The following SSH2 variants were observed in gnomAD, a reference collection of about 807,000 sequenced individuals.
The protein encoded by SSH2 is protein phosphatase Slingshot homolog 2.
Under a neutral mutation model 135.2 loss-of-function variants are expected in SSH2, and 37 were observed. The ratio of observed to expected loss-of-function variants is 0.27; its 90% CI spans 0.21 to 0.36. The LOEUF (loss-of-function observed/expected upper bound fraction) is 0.36, where lower values mean the gene tolerates loss of function less well. SSH2 is among the 10% of genes least tolerant of loss of function. SSH2 has a pLI of 1.00. For missense variants in SSH2, 1,408 were observed against 1,765.3 expected, an observed-to-expected ratio of 0.80 and a Z score of 3.63; for synonymous variants, 628 against 646.2, an observed-to-expected ratio of 0.97 and a Z score of 0.43.
intron 3 of SSH2, among the ~76,000 whole-genome samples, chr17:29,743,585 G>C (rs1598919049): frequency 6.6e-6 from 1 of 152,216 alleles, no homozygotes; most frequent in Non-Finnish European, 1.5e-5. Context: ...CTGACTATGG[G>C]AGAGCCACAG....
chr17:29,766,748 T>A lies in SSH2; in HGVS notation c.188+27146A>T, dbSNP rs188662719. ...GTATTTTTATGTTTTCTCTAAGGGC[T>A]CGATGTAGAAAAATAAACAGTAAGT... is the stretch of plus-strand genomic sequence containing the variant. On this transcript the variant is annotated intron_variant, in intron 3 of 15. Transcript: ENST00000540801. 9.2e-5 allele frequency among the ~76,000 whole-genome samples: 14 copies of A among 152,274 alleles called. No individual in the cohort carries two copies. In the East Asian group the frequency reaches 2.7e-3, roughly 29 times the overall value.
intron 3 of SSH2, among the ~76,000 whole-genome samples, chr17:29,739,575 C>T (rs1257399689): frequency 6.6e-6 from 1 of 152,162 alleles, no homozygotes; most frequent in Non-Finnish European, 1.5e-5. Context: ...TATCTGAATT[C>T]TGAAGTTAGC....
chr17:29,907,664 A>G (rs1373726629), intron 1 of SSH2, among the ~76,000 whole-genome samples: 1 of 152,240 alleles, frequency 6.6e-6, no homozygotes, highest in Non-Finnish European at 1.5e-5. Context: ...AATCTTCCAA[A>G]TAAAGAAAGA....
chr17:29,674,547 G>T (rs1304836971), intron 8 of SSH2, among the ~76,000 whole-genome samples: 1 of 152,114 alleles, frequency 6.6e-6, no homozygotes, highest in Admixed American at 6.6e-5. Flanking sequence ...TCCTGTGAAG[G>T]AAACACCTGG....
chr17:29,874,235 G>T (rs2065988385), intron 1 of SSH2, among the ~76,000 whole-genome samples: 1 of 122,702 alleles, frequency 8.1e-6, no homozygotes, highest in African/African-American at 3.1e-5. Context: ...GGAGGTTGCA[G>T]TAAGCCAATT....
intron 3 of SSH2, among the ~76,000 whole-genome samples, chr17:29,793,204 C>T (rs995439310): frequency 6.6e-6 from 1 of 152,186 alleles, no homozygotes; most frequent in African/African-American, 2.4e-5. Flanking sequence ...TCCTAGATTT[C>T]TCTCACAATT....
intron 1 of SSH2, among the ~76,000 whole-genome samples, chr17:29,862,559 C>T (rs554327198): frequency 1.3e-5 from 2 of 152,228 alleles, no homozygotes; most frequent in South Asian, 2.1e-4. Context: ...CTGGAAGAGC[C>T]GTTACATGAA....
At chr17:29,677,860 T>A in intron 6 of SSH2, 119 bp from the exon 7 acceptor site, 1 of 739,174 alleles carries the variant, frequency 1.4e-6, no homozygotes, top group South Asian at 1.7e-5. Flanking sequence ...GGCATAAGTG[T>A]TACAATGAAG....
chr17:29,877,986 G>A (rs1363408591), intron 1 of SSH2, among the ~76,000 whole-genome samples: 1 of 152,076 alleles, frequency 6.6e-6, no homozygotes, highest in Non-Finnish European at 1.5e-5. Context: ...TTGGGAGGCT[G>A]AGGTGGGAGG....
chr17:29,684,028 A>G (rs2038100403), intron 6 of SSH2, among the ~76,000 whole-genome samples: 1 of 152,234 alleles, frequency 6.6e-6, no homozygotes, highest in Non-Finnish European at 1.5e-5. Flanking sequence ...GACTATCTAA[A>G]GATGAGATGA....
intron 3 of SSH2, among the ~76,000 whole-genome samples, chr17:29,709,540 G>T (rs1354248249): frequency 6.6e-6 from 1 of 152,118 alleles, no homozygotes; most frequent in Non-Finnish European, 1.5e-5. Context: ...AGCCAGGTGT[G>T]GTGGCACACG....
At position 29,630,827 on chromosome 17, in the gene SSH2, G is replaced by A. The variant is rs1275958729; in HGVS notation, c.*14C>T. 6.6e-7 allele frequency: 1 copy of A among 1,522,384 alleles called. No individual in the cohort carries two copies. Among genetic ancestry groups the A allele is most frequent in the Non-Finnish European group, 8.8e-7 (1 of 1,133,282 alleles). The allele number at this position is 1,522,384 out of a possible 1,614,324, so 94.3% of individuals were successfully genotyped here. The stretch of plus-strand genomic sequence containing the variant: ...AAACATTTCTTCTAGAAAGTCACAT[G>A]TGTAGGCTCAGAATCACATGGTATT... On this transcript the variant is annotated 3_prime_UTR_variant, in exon 16 of 16. Transcript: ENST00000540801.
intron 1 of SSH2, among the ~76,000 whole-genome samples, chr17:29,909,040 G>C (rs2066714755): frequency 6.6e-6 from 1 of 151,902 alleles, no homozygotes; most frequent in South Asian, 2.1e-4. Context: ...TCGTGCCACT[G>C]CACTCCAGCC....
At chr17:29,835,123 C>T (rs2042921351) in intron 2 of SSH2, among the ~76,000 whole-genome samples, 1 of 152,112 alleles carries the variant, frequency 6.6e-6, no homozygotes, top group Non-Finnish European at 1.5e-5. Context: ...CCTTTCCAAA[C>T]AGAAATTCCC....
intron 3 of SSH2, among the ~76,000 whole-genome samples, chr17:29,711,677 CTGCAAGGGGTTT>C (rs1313051462): frequency 6.6e-6 from 1 of 152,188 alleles, no homozygotes; most frequent in Non-Finnish European, 1.5e-5. Context: ...AACTCTGGAA[CTGCAAGGGGTTT>C]TGTAGGAAGC....
At chr17:29,700,651 T>C (rs2038937232) in intron 4 of SSH2, among the ~76,000 whole-genome samples, 1 of 152,200 alleles carries the variant, frequency 6.6e-6, no homozygotes, top group Non-Finnish European at 1.5e-5. Context: ...TAATGACTCA[T>C]TATCACAGCA....
intron 3 of SSH2, among the ~76,000 whole-genome samples, chr17:29,785,171 CA>C (rs1242799545): frequency 6.6e-6 from 1 of 151,190 alleles, no homozygotes; most frequent in African/African-American, 2.4e-5. Flanking sequence ...TCAAAGTAAT[CA>C]AAAAAAGTAT....
intron 2 of SSH2, among the ~76,000 whole-genome samples, chr17:29,828,318 T>C (rs1382306298): frequency 1.3e-5 from 2 of 152,158 alleles, no homozygotes; most frequent in Admixed American, 6.5e-5. Flanking sequence ...ACAACAAATT[T>C]AAATACAAAG....
chr17:29,673,825 C>CT (rs2037595799), intron 8 of SSH2: 3 of 313,942 alleles, frequency 9.6e-6, no homozygotes, highest in Non-Finnish European at 1.9e-5. Flanking sequence ...TCATCAACAT[C>CT]TTTCCATGTC....
Sources: allele counts gnomAD v4.1 joint callset (sites outside exome capture counted in the v4.1 genomes callset), GRCh38; gene constraint gnomAD v4.1.1; transcripts MANE v1.5; gene names NCBI Gene and HGNC (gene_info 2026-07-23, HGNC 2026-07-21).